Variants in MYOZ2 observed in about 807,000 individuals in gnomAD.
The protein encoded by MYOZ2 is myozenin-2.
A neutral mutation model predicts 25.4 loss-of-function variants in MYOZ2; 19 were observed. The ratio of observed to expected loss-of-function variants is 0.75; its 90% CI spans 0.52 to 1.10. The LOEUF is 1.10. Ranked by LOEUF, MYOZ2 falls within the 50% of genes least tolerant of loss-of-function variation. The probability of loss-of-function intolerance (pLI) is 0.00; values close to 1 mark genes in which losing one functional copy is unlikely to be tolerated. For synonymous variants in MYOZ2, 92 were observed against 106.9 expected (o/e 0.86, Z 0.86); for missense variants, 270 against 317.9 (o/e 0.85, Z 1.15).
chr4:119,148,760 A>T (rs1019439331), intron 2 of MYOZ2, among the ~76,000 whole-genome samples: 2 of 63,162 alleles, frequency 3.2e-5, no homozygotes, highest in Non-Finnish European at 6.4e-5. Flanking sequence ...CTGCTGATGG[A>T]GTCATTGGCA....
chr4:119,180,411 C>T (rs910130605), intron 5 of MYOZ2, among the ~76,000 whole-genome samples: 2 of 152,214 alleles, frequency 1.3e-5, no homozygotes, highest in African/African-American at 4.8e-5. Flanking sequence ...GTACTCTTTA[C>T]TCCACTCTCA....
rs1347369868 is a variant in MYOZ2 at position 119,140,912 on chromosome 4, A to G, written c.76+4311A>G. Reference sequence around the variant, plus strand: ...TCAAGACAGAGACATATGAAATAAGAAAATAAAGAATCACAGATGGTATTC... The same window carrying G: ...TCAAGACAGAGACATATGAAATAAGGAAATAAAGAATCACAGATGGTATTC... On this transcript the variant is annotated intron_variant, in intron 2 of 5. Coordinates refer to ENST00000307128, the MANE Select transcript of MYOZ2 (RefSeq NM_016599.5). Among the ~76,000 whole-genome samples, 8 of 152,332 alleles carry G rather than the reference A, an allele frequency of 5.3e-5. 1 individual carries two copies. The highest frequency in any genetic ancestry group is 5.2e-4 in the Admixed American group (8 of 15,296).
chr4:119,179,874 T>C (rs778975592), intron 5 of MYOZ2, among the ~76,000 whole-genome samples: 4 of 152,348 alleles, frequency 2.6e-5, no homozygotes, highest in South Asian at 2.1e-4. Flanking sequence ...AGCCCCTTTA[T>C]AGGGCACTAA....
In MYOZ2 at chr4:119,136,517, A is replaced by C. The variant is rs754690359; in HGVS notation, c.-9A>C. 5 of 1,610,138 alleles carry C rather than the reference A, an allele frequency of 3.1e-6. No individual in the cohort carries two copies. The African/African-American group carries it at 5.4e-5, about 18-fold the overall frequency. On this transcript the variant is annotated 5_prime_UTR_variant, in exon 2 of 6. Transcript: ENST00000307128. The stretch of plus-strand genomic sequence containing the variant: ...TGTCCCTTTGTTTTTAACAGGGAAC[A>C]AAAAAACCATGCTATCACATAATAC...
intron 2 of MYOZ2, among the ~76,000 whole-genome samples, chr4:119,142,347 T>C (rs1741174971): frequency 6.6e-6 from 1 of 152,234 alleles, no homozygotes; most frequent in African/African-American, 2.4e-5. Flanking sequence ...CTTGCTATTT[T>C]GAATCCAGAA....
chr4:119,173,815 G>C (rs542481484), intron 5 of MYOZ2, among the ~76,000 whole-genome samples: 1 of 152,184 alleles, frequency 6.6e-6, no homozygotes, highest in Non-Finnish European at 1.5e-5. Context: ...CCGGGGCTGC[G>C]TGGGACGCTT....
chr4:119,175,322 C>G (rs1181486392), intron 5 of MYOZ2, among the ~76,000 whole-genome samples: 6 of 152,162 alleles, frequency 3.9e-5, no homozygotes, highest in Admixed American at 2.6e-4. Context: ...AGGGATGTGT[C>G]TTCTTTGATG....
At chr4:119,185,856 A>G (rs1742281619) in intron 5 of MYOZ2, 110 bp from the exon 6 acceptor site, 4 of 865,444 alleles carry the variant, frequency 4.6e-6, no homozygotes, top group South Asian at 1.5e-5. Context: ...CCCATAAAAT[A>G]ATGAATTAAA....
chr4:119,186,042 T>C lies in MYOZ2; in HGVS notation c.637T>C (p.Leu213=), dbSNP rs1578374308. Residue 213 remains leucine (L), a synonymous_variant, in exon 6 of 6, where the codon TTG becomes CTG. Transcript: ENST00000307128. ...KFKVPDFELL[L]LTDPRFMSFV... is the part of the protein sequence containing the mutation. ...TAAAGTTCCAGATTTTGAGCTACTATTGCTAACAGATCCCAGGTTTATGTC... is the reference window on the plus strand; with the variant it reads ...TAAAGTTCCAGATTTTGAGCTACTACTGCTAACAGATCCCAGGTTTATGTC... 1 of 1,614,108 alleles carries C rather than the reference T, an allele frequency of 6.2e-7. No individual in the cohort carries two copies. Among genetic ancestry groups the C allele is most frequent in the Non-Finnish European group, 8.5e-7 (1 of 1,180,006 alleles).
chr4:119,139,575 A>G (rs74790437), intron 2 of MYOZ2, among the ~76,000 whole-genome samples: 2,433 of 152,288 alleles, frequency 0.016, 87 homozygotes, highest in East Asian at 0.16. Flanking sequence ...GTAGGAAAGG[A>G]TAAAAGGATA....
rs1742299538 is a variant in MYOZ2, at chr4:119,186,589, A to C, written c.*389A>C. 1 of 205,562 alleles carries C rather than the reference A, an allele frequency of 4.9e-6. No homozygotes were observed. The highest frequency in any genetic ancestry group is 9.8e-6 in the Non-Finnish European group (1 of 101,850). The allele number at this position is 205,562 out of a possible 1,614,324, so 12.7% of individuals were successfully genotyped here. A position where few individuals can be genotyped will look rare whatever the true frequency, so the allele number is the denominator to read the frequency against. The stretch of plus-strand genomic sequence containing the variant: ...GGGAGAGATATGAAGACCTATTCAG[A>C]GTTTCATCTGGGGATGAAAGCTATG... On this transcript the variant is annotated 3_prime_UTR_variant, in exon 6 of 6. Coordinates refer to ENST00000307128, the MANE Select transcript of MYOZ2 (RefSeq NM_016599.5).
intron 2 of MYOZ2, among the ~76,000 whole-genome samples, chr4:119,142,122 G>A (rs757328398): frequency 5.3e-5 from 8 of 152,186 alleles, no homozygotes; most frequent in Non-Finnish European, 1.0e-4. Context: ...TGGGGCAGCA[G>A]TAGGGATGTT....
chr4:119,169,282 A>T (rs1274872260), intron 5 of MYOZ2, among the ~76,000 whole-genome samples: 1 of 152,242 alleles, frequency 6.6e-6, no homozygotes, highest in Non-Finnish European at 1.5e-5. Context: ...GAAATAAAAA[A>T]TTTCATGCAA....
chr4:119,178,427 T>A (rs1350266287), intron 5 of MYOZ2, among the ~76,000 whole-genome samples: 2 of 152,130 alleles, frequency 1.3e-5, no homozygotes, highest in African/African-American at 4.8e-5. Flanking sequence ...ATACAAAAAT[T>A]AACATGTCAA....
At chr4:119,164,663 T>C (rs371465520) in intron 5 of MYOZ2, among the ~76,000 whole-genome samples, 258 of 152,312 alleles carry the variant, frequency 1.7e-3, no homozygotes, top group African/African-American at 6.1e-3. Flanking sequence ...CCTTGATACT[T>C]TAAAAATGTT....
intron 3 of MYOZ2, among the ~76,000 whole-genome samples, chr4:119,151,625 A>G (rs995612903): frequency 2.0e-5 from 3 of 152,182 alleles, no homozygotes; most frequent in Admixed American, 1.3e-4. Context: ...TACATTTTAC[A>G]TATTGTATTA....
chr4:119,183,824 T>G (rs1431915957), intron 5 of MYOZ2, among the ~76,000 whole-genome samples: 2 of 151,242 alleles, frequency 1.3e-5, no homozygotes, highest in Non-Finnish European at 3.0e-5. Context: ...CTTTTTTTTT[T>G]TTTTTCCGAG....
intron 5 of MYOZ2, among the ~76,000 whole-genome samples, chr4:119,178,521 C>T (rs1238339944): frequency 6.6e-6 from 1 of 152,186 alleles, no homozygotes; most frequent in African/African-American, 2.4e-5. Flanking sequence ...TTCCCTGTTG[C>T]TCACATAAAC....
intron 5 of MYOZ2, among the ~76,000 whole-genome samples, chr4:119,183,540 T>C (rs1742230587): frequency 6.6e-6 from 1 of 152,192 alleles, no homozygotes; most frequent in Admixed American, 6.5e-5. Context: ...ACCTCTCCAC[T>C]GGGATGTCTA....
Sources: gnomAD v4.1 joint callset for allele counts (sites outside exome capture counted in the v4.1 genomes callset) on GRCh38, gnomAD v4.1.1 for gene constraint, MANE v1.5 for transcripts, NCBI Gene and HGNC (gene_info 2026-07-23, HGNC 2026-07-21) for gene names.